The following NPAS3 variants were observed in gnomAD, a reference collection of about 807,000 sequenced individuals.
NPAS3 encodes the protein neuronal PAS domain protein 3, also known as neuronal PAS domain-containing protein 3.
A neutral mutation model predicts 73.1 loss-of-function variants in NPAS3; 14 were observed. That is an observed-to-expected ratio of 0.19 (90% CI 0.13 to 0.30). The LOEUF is 0.30. NPAS3 is among the 10% of genes least tolerant of loss of function. The pLI, the probability that NPAS3 is intolerant of heterozygous loss-of-function variation, is 1.00. For synonymous variants in NPAS3, 620 were observed against 541.5 expected, an observed-to-expected ratio of 1.14 and a Z score of -2.01; for missense variants, 1,096 against 1,250.0, an observed-to-expected ratio of 0.88 and a Z score of 1.86.
At chr14:33,113,736 G>A (rs952683579) in intron 2 of NPAS3, among the ~76,000 whole-genome samples, 1 of 152,170 alleles carries the variant, frequency 6.6e-6, no homozygotes, top group Non-Finnish European at 1.5e-5. Flanking sequence ...GGGCATCCCT[G>A]TCTTGTGCCA....
chr14:33,653,990 G>T (rs559769873), intron 5 of NPAS3, among the ~76,000 whole-genome samples: 1 of 152,124 alleles, frequency 6.6e-6, no homozygotes, highest in Non-Finnish European at 1.5e-5. Flanking sequence ...CCTTGAACTG[G>T]GATGTAGAGA....
At chr14:33,629,438 C>T (rs2140129680) in intron 5 of NPAS3, among the ~76,000 whole-genome samples, 1 of 152,288 alleles carries the variant, frequency 6.6e-6, no homozygotes, top group African/African-American at 2.4e-5. Flanking sequence ...GGTGCCTGCA[C>T]TTGAAACAGA....
chr14:33,549,763 G>A (rs922356886), intron 4 of NPAS3, among the ~76,000 whole-genome samples: 3 of 152,084 alleles, frequency 2.0e-5, no homozygotes, highest in Admixed American at 2.0e-4. Context: ...ATTTTAGTTA[G>A]TTATACTTAC....
At chr14:33,784,527 G>A (rs934456972) in intron 9 of NPAS3, among the ~76,000 whole-genome samples, 4 of 152,046 alleles carry the variant, frequency 2.6e-5, no homozygotes, top group African/African-American at 7.2e-5. Flanking sequence ...AGAGATGGAG[G>A]AGTGGTCTAA....
intron 6 of NPAS3, among the ~76,000 whole-genome samples, chr14:33,699,229 G>GA (rs1566439995): frequency 6.6e-6 from 1 of 151,988 alleles, no homozygotes; most frequent in Non-Finnish European, 1.5e-5. Flanking sequence ...TTAAAAGCTG[G>GA]AATAATAAAT....
At chr14:33,566,759 C>T (rs1297468772) in intron 5 of NPAS3, among the ~76,000 whole-genome samples, 1 of 152,174 alleles carries the variant, frequency 6.6e-6, no homozygotes, top group Admixed American at 6.5e-5. Flanking sequence ...GTCATCTTTA[C>T]ATAGAACCCT....
chr14:33,491,172 A>G (rs1348255211), intron 4 of NPAS3, among the ~76,000 whole-genome samples: 6 of 152,316 alleles, frequency 3.9e-5, no homozygotes. Context: ...AGCTACAAAT[A>G]GAAAAGCCAT....
intron 7 of NPAS3, among the ~76,000 whole-genome samples, chr14:33,737,954 T>G (rs1050099418): frequency 9.2e-5 from 14 of 152,196 alleles, no homozygotes; most frequent in African/African-American, 3.1e-4. Flanking sequence ...TGCAGGCCAC[T>G]ATATTTCTGT....
intron 1 of NPAS3, among the ~76,000 whole-genome samples, chr14:33,045,683 G>T (rs2040484094): frequency 6.6e-6 from 1 of 152,146 alleles, no homozygotes; most frequent in Non-Finnish European, 1.5e-5. Context: ...AGACTTTTAT[G>T]ATCAGTTCTA....
At chr14:33,046,050 T>C (rs544046755) in intron 1 of NPAS3, among the ~76,000 whole-genome samples, 1 of 152,218 alleles carries the variant, frequency 6.6e-6, no homozygotes, top group African/African-American at 2.4e-5. Flanking sequence ...AACAAGAAGA[T>C]TTATTAGGGA....
intron 2 of NPAS3, among the ~76,000 whole-genome samples, chr14:33,098,594 C>T (rs2042491147): frequency 6.6e-6 from 1 of 152,162 alleles, no homozygotes; most frequent in Non-Finnish European, 1.5e-5. Flanking sequence ...AATTTCAAGA[C>T]TCTATTTGTA....
At chr14:33,790,280 G>C (rs2063319127) in intron 9 of NPAS3, among the ~76,000 whole-genome samples, 1 of 152,262 alleles carries the variant, frequency 6.6e-6, no homozygotes, top group Non-Finnish European at 1.5e-5. Context: ...GGAATTTTAT[G>C]AAATAAACTT....
intron 3 of NPAS3, among the ~76,000 whole-genome samples, chr14:33,315,076 CAG>C (rs1234331748): frequency 1.3e-5 from 2 of 151,888 alleles, no homozygotes; most frequent in Non-Finnish European, 2.9e-5. Context: ...TAGAGAAAAA[CAG>C]AGATGAGAGT....
intron 7 of NPAS3, among the ~76,000 whole-genome samples, chr14:33,769,791 A>C (rs2062593284): frequency 9.6e-6 from 1 of 104,390 alleles, no homozygotes; most frequent in African/African-American, 3.9e-5. Context: ...TTGAGACAAG[A>C]TCTTGCTCTG....
intron 2 of NPAS3, among the ~76,000 whole-genome samples, chr14:33,164,716 A>G (rs761375467): frequency 6.6e-6 from 1 of 152,106 alleles, no homozygotes; most frequent in Non-Finnish European, 1.5e-5. Context: ...CCTGTTACTG[A>G]TGAGGAAATC....
intron 3 of NPAS3, among the ~76,000 whole-genome samples, chr14:33,314,749 T>G (rs1185398831): frequency 6.6e-6 from 1 of 152,176 alleles, no homozygotes; most frequent in South Asian, 2.1e-4. Flanking sequence ...CTTCTACCTT[T>G]ACTATCTAAC....
chr14:33,351,573 A>T (rs2140348934), intron 3 of NPAS3, among the ~76,000 whole-genome samples: 1 of 152,356 alleles, frequency 6.6e-6, no homozygotes, highest in African/African-American at 2.4e-5. Flanking sequence ...ACACATGCAC[A>T]CATGCATATA....
intron 5 of NPAS3, among the ~76,000 whole-genome samples, chr14:33,611,291 G>A (rs529233736): frequency 1.6e-4 from 24 of 152,320 alleles, no homozygotes; most frequent in African/African-American, 5.5e-4. Context: ...TAAAAGTAGG[G>A]TGGTTGTTAT....
At chr14:33,314,661 G>A (rs572646972) in intron 3 of NPAS3, among the ~76,000 whole-genome samples, 112 of 152,058 alleles carry the variant, frequency 7.4e-4, no homozygotes, top group African/African-American at 2.6e-3. Context: ...GTCTGCATCA[G>A]GATATTAAAA....
Sources: gnomAD v4.1 joint callset for allele counts (sites outside exome capture counted in the v4.1 genomes callset) on GRCh38, gnomAD v4.1.1 for gene constraint, MANE v1.5 for transcripts, NCBI Gene and HGNC (gene_info 2026-07-23, HGNC 2026-07-21) for gene names.